Variants in CTTNBP2 observed in about 807,000 individuals in gnomAD.
The protein encoded by CTTNBP2 is cortactin-binding protein 2.
In CTTNBP2, 108 loss-of-function variants were observed where a neutral mutation model predicts 156.9. That is an observed-to-expected ratio of 0.69 (90% CI 0.59 to 0.81). The LOEUF is 0.81. CTTNBP2 is among the 30% of genes least tolerant of loss of function. The pLI is 0.00. For synonymous variants in CTTNBP2, 767 were observed against 751.8 expected, an observed-to-expected ratio of 1.02 and a Z score of -0.33; for missense variants, 1,924 against 2,035.4, an observed-to-expected ratio of 0.95 and a Z score of 1.05.
At chr7:117,871,960 C>G in intron 1 of CTTNBP2, 1 of 985,320 alleles carries the variant, frequency 1.0e-6, no homozygotes, top group Non-Finnish European at 1.2e-6. Context: ...AGAGCCTTGT[C>G]TCAATAGCTA....
At chr7:117,767,248 C>G in intron 8 of CTTNBP2, 72 bp from the exon 9 acceptor site, 1 of 836,122 alleles carries the variant, frequency 1.2e-6, no homozygotes, top group Non-Finnish European at 2.1e-6. Flanking sequence ...AAAGGAAAAG[C>G]CAGTTGCCTA....
rs1562946110 is a variant in CTTNBP2 at position 117,717,004 on chromosome 7, G to GAGAA, written c.4746+1013_4746+1014insTTCT. ...TTTGCCGTTCTCATCTACTCCCAAG[G>GAGAA]TGGCTTACAATCAATCAACATGGTT... is the stretch of plus-strand genomic sequence containing the variant. On this transcript the variant is annotated intron_variant, in intron 22 of 22. Transcript: ENST00000160373. 7.2e-5 allele frequency among the ~76,000 whole-genome samples: 11 copies of GAGAA among 152,308 alleles called. No homozygotes were observed. In the South Asian group the frequency reaches 1.2e-3, roughly 17 times the overall value.
At chr7:117,713,625 T>C (rs562678286) in intron 22 of CTTNBP2, 1 of 152,202 alleles carries the variant, frequency 6.6e-6, no homozygotes, top group South Asian at 2.1e-4. Flanking sequence ...CCTCACTAAC[T>C]GGCATGTCAC....
intron 3 of CTTNBP2, among the ~76,000 whole-genome samples, chr7:117,807,351 A>G (rs576329876): frequency 3.3e-5 from 5 of 152,362 alleles, no homozygotes; most frequent in African/African-American, 1.2e-4. Context: ...AAATACATTT[A>G]TATATGTGGT....
chr7:117,794,828 T>G (rs1026741065), intron 3 of CTTNBP2, among the ~76,000 whole-genome samples: 1 of 151,210 alleles, frequency 6.6e-6, no homozygotes, highest in Non-Finnish European at 1.5e-5. Context: ...GTAGATTAGG[T>G]AAGACTGGGG....
At chr7:117,873,068 G>A (rs1804737199) in intron 1 of CTTNBP2, among the ~76,000 whole-genome samples, 1 of 152,202 alleles carries the variant, frequency 6.6e-6, no homozygotes, top group African/African-American at 2.4e-5. Flanking sequence ...CAGACAGGGA[G>A]CTGGGAGAAC....
rs1026162984 is a variant in CTTNBP2, at chr7:117,739,213, T to G, written c.3536-3792A>C. On this transcript the variant is annotated intron_variant, in intron 14 of 22. Coordinates refer to ENST00000160373, the MANE Select transcript of CTTNBP2 (RefSeq NM_033427.3). ...AGTACGTGTCTAGTTCAGGTTATTC[T>G]GCGTAGTTTCAGGTCTAAAATATTA... Among the ~76,000 whole-genome samples the G allele has an allele frequency of 3.3e-5, 5 of 152,196 alleles. No homozygotes were observed. The East Asian group carries it at 9.6e-4, about 29-fold the overall frequency.
chr7:117,714,333 C>T (rs1794223564), intron 22 of CTTNBP2: 1 of 152,190 alleles, frequency 6.6e-6, no homozygotes, highest in Admixed American at 6.5e-5. Flanking sequence ...GGGACTTGGT[C>T]ATGGGCCTAC....
intron 2 of CTTNBP2, among the ~76,000 whole-genome samples, chr7:117,845,402 A>G (rs1440882809): frequency 1.3e-5 from 2 of 152,180 alleles, no homozygotes; most frequent in Non-Finnish European, 1.5e-5. Flanking sequence ...GATCTGTATT[A>G]TATGTGTTCA....
At chr7:117,808,762 C>A (rs933974800) in intron 3 of CTTNBP2, among the ~76,000 whole-genome samples, 1 of 151,880 alleles carries the variant, frequency 6.6e-6, no homozygotes, top group African/African-American at 2.4e-5. Context: ...ACTCTACATG[C>A]GAGGGAACTG....
chr7:117,810,269 G>A (rs531260702), intron 3 of CTTNBP2, among the ~76,000 whole-genome samples: 110 of 152,196 alleles, frequency 7.2e-4, no homozygotes, highest in African/African-American at 2.5e-3. Context: ...GACATACCAC[G>A]CAAACATGCA....
intron 20 of CTTNBP2, among the ~76,000 whole-genome samples, chr7:117,720,690 C>T (rs1794737584): frequency 6.6e-6 from 1 of 151,920 alleles, no homozygotes; most frequent in East Asian, 1.9e-4. Context: ...AAGACTCTGT[C>T]TCCAAAAAAA....
intron 14 of CTTNBP2, among the ~76,000 whole-genome samples, chr7:117,738,967 TA>T (rs1377398575): frequency 6.6e-6 from 1 of 152,198 alleles, no homozygotes; most frequent in Non-Finnish European, 1.5e-5. Flanking sequence ...CTGCTATACA[TA>T]ACCATTGGGT....
chr7:117,748,752 T>C (rs931611889), intron 12 of CTTNBP2, among the ~76,000 whole-genome samples: 1 of 152,216 alleles, frequency 6.6e-6, no homozygotes, highest in Non-Finnish European at 1.5e-5. Context: ...CAACATAATT[T>C]TCCAAACTTT....
chr7:117,860,064 A>T (rs1803608666), intron 2 of CTTNBP2, among the ~76,000 whole-genome samples: 1 of 152,180 alleles, frequency 6.6e-6, no homozygotes, highest in Non-Finnish European at 1.5e-5. Context: ...CATTCCACAG[A>T]TTTTCATATG....
At position 117,757,283 on chromosome 7, in the gene CTTNBP2, A is replaced by G. The variant is rs543327080; in HGVS notation, c.3268+592T>C. Among the ~76,000 whole-genome samples, 4 of 152,314 alleles carry G rather than the reference A, an allele frequency of 2.6e-5. No homozygotes were observed. The East Asian group carries it at 7.7e-4, about 29-fold the overall frequency. On this transcript the variant is annotated intron_variant, in intron 11 of 22. Coordinates refer to ENST00000160373, the MANE Select transcript of CTTNBP2 (RefSeq NM_033427.3). ...GCTGTTTAGCATCAAGGGCTGAGAA[A>G]TTGAGTATTCCTATACCACTTAGTG...
chr7:117,762,826 T>C (rs1289536227), intron 9 of CTTNBP2, among the ~76,000 whole-genome samples: 2 of 152,234 alleles, frequency 1.3e-5, no homozygotes, highest in Non-Finnish European at 2.9e-5. Context: ...TGGCTACTGC[T>C]CTGACCCGTC....
chr7:117,744,376 C>T (rs1796199242), intron 14 of CTTNBP2, among the ~76,000 whole-genome samples: 1 of 152,140 alleles, frequency 6.6e-6, no homozygotes. Flanking sequence ...TACTCTCTAT[C>T]TCCATGAATT....
At chr7:117,759,991 T>A (rs551099939) in intron 10 of CTTNBP2, among the ~76,000 whole-genome samples, 1 of 152,360 alleles carries the variant, frequency 6.6e-6, no homozygotes, top group African/African-American at 2.4e-5. Context: ...GCATTGAATA[T>A]ATCTTTATTA....
Sources: allele counts gnomAD v4.1 joint callset (sites outside exome capture counted in the v4.1 genomes callset), GRCh38; gene constraint gnomAD v4.1.1; transcripts MANE v1.5; gene names NCBI Gene and HGNC (gene_info 2026-07-23, HGNC 2026-07-21).